TUBE1: variants seen among roughly 807,000 people sequenced by gnomAD.
TUBE1 encodes the protein tubulin epsilon chain.
In TUBE1, 34 loss-of-function variants were observed where a neutral mutation model predicts 53.5. The observed-to-expected ratio is 0.64, with a 90% CI of 0.48 to 0.85. The LOEUF (loss-of-function observed/expected upper bound fraction) is 0.85. TUBE1 is among the 40% of genes least tolerant of loss of function. The pLI is 0.00. For missense variants in TUBE1, 532 were observed against 570.5 expected (o/e 0.93, Z 0.69); for synonymous variants, 177 against 198.4 (o/e 0.89, Z 0.91).
intron 9 of TUBE1, among the ~76,000 whole-genome samples, chr6:112,074,088 G>A (rs1554315720): frequency 6.6e-6 from 1 of 152,138 alleles, no homozygotes; most frequent in African/African-American, 2.4e-5. Flanking sequence ...TACAGAGTTT[G>A]GCAGGACTTT....
At chr6:112,079,432 A>AAAAAG (rs1409752038) in intron 6 of TUBE1, 2 of 432,444 alleles carry the variant, frequency 4.6e-6, no homozygotes, top group South Asian at 9.0e-5. Context: ...AAAAAAAAAA[A>AAAAAG]AAAAGAAAAG....
chr6:112,071,293 G>T lies in TUBE1; in HGVS notation c.*119C>A. ...CGATTAAACAGAAATCACTCTTTTA[G>T]ACAAAAATATTTCCCGATAATATGA... On this transcript the variant is annotated 3_prime_UTR_variant, in exon 12 of 12. Transcript: ENST00000368662. 9.8e-7 allele frequency: 1 copy of T among 1,024,996 alleles called. No homozygotes were observed. Among genetic ancestry groups the T allele is most frequent in the South Asian group, 2.8e-5 (1 of 35,100 alleles). The allele number at this position is 1,024,996 out of a possible 1,614,324, so 63.5% of individuals were successfully genotyped here.
Position 112,071,595 on chromosome 6 carries a change from G to A in TUBE1, c.1270-25C>T, listed in dbSNP as rs113149693. On this transcript the variant is annotated intron_variant, in intron 11 of 11. Coordinates refer to ENST00000368662, the MANE Select transcript of TUBE1 (RefSeq NM_016262.5). ...CCTATAAATTAAAAAATTAGGTAAC[G>A]TTTACCATTTCAGGAACTTTAATAC... 3.9e-4 allele frequency: 604 copies of A among 1,554,544 alleles called. 2 individuals are homozygous for A. In the African/African-American group the frequency reaches 7.5e-3, roughly 19 times the overall value.
chr6:112,087,482 T>C lies in TUBE1; in HGVS notation c.-48A>G, dbSNP rs1387758398. On this transcript the variant is annotated 5_prime_UTR_variant, in exon 1 of 12. Transcript: ENST00000368662. ...GAGCTTGCTAGCCCGCGGCCGCTTCTGCATTCCCCCAGCAACGGCGCTCTG... is the reference window on the plus strand; with the variant it reads ...GAGCTTGCTAGCCCGCGGCCGCTTCCGCATTCCCCCAGCAACGGCGCTCTG... 2 of 1,545,524 alleles carry C rather than the reference T, an allele frequency of 1.3e-6. No individual in the cohort carries two copies. Among genetic ancestry groups the C allele is most frequent in the Non-Finnish European group, 1.7e-6 (2 of 1,144,420 alleles).
chr6:112,080,231 T>C (rs1777049343), intron 5 of TUBE1, among the ~76,000 whole-genome samples: 1 of 152,054 alleles, frequency 6.6e-6, no homozygotes, highest in African/African-American at 2.4e-5. Flanking sequence ...TCACATCATG[T>C]TATTAGATGA....
In TUBE1 at chr6:112,072,839, G is replaced by A. The variant is rs782500890; in HGVS notation, c.1013C>T (p.Pro338Leu). 4 of 1,613,626 alleles carry A rather than the reference G, an allele frequency of 2.5e-6. No homozygotes were observed. The highest frequency in any genetic ancestry group is 3.4e-6 in the Non-Finnish European group (4 of 1,179,732). ...ACAGGCGAGGTAAAGACTGTGTTTG[G>A]GGTCTGCCCGAAGCAGCTGGTGATC... ...SKDHQLLRADPKHSLYLACAL... is the reference protein window; with the variant it reads ...SKDHQLLRADLKHSLYLACAL... Residue 338 changes from proline to leucine, a missense_variant, in exon 10 of 12, where the codon CCC becomes CTC. Coordinates refer to ENST00000368662, the MANE Select transcript of TUBE1 (RefSeq NM_016262.5).
At chr6:112,081,031 A>G in intron 5 of TUBE1, 61 bp downstream of exon 5, 1 of 1,068,890 alleles carries the variant, frequency 9.4e-7, no homozygotes, top group Non-Finnish European at 1.4e-6. Flanking sequence ...GAATCTCACA[A>G]TGAAGAAAGA....
intron 4 of TUBE1, among the ~76,000 whole-genome samples, chr6:112,082,629 T>C (rs1777089112): frequency 6.6e-6 from 1 of 152,172 alleles, no homozygotes; most frequent in African/African-American, 2.4e-5. Context: ...CTTCCAGACC[T>C]CCCTTAGTTA....
In TUBE1 at chr6:112,074,635, C is replaced by A. The variant is rs587671104; in HGVS notation, c.953+75G>T. On this transcript the variant is annotated intron_variant, in intron 9 of 11. Coordinates refer to ENST00000368662, the MANE Select transcript of TUBE1 (RefSeq NM_016262.5). ...TACAATTAAATAACTAGAGTTATTG[C>A]AAACTTTTTTCTCTTAAAAATGTTT... The A allele has an allele frequency of 3.3e-6, 4 of 1,203,336 alleles. No individual in the cohort carries two copies. The African/African-American group carries it at 4.7e-5, about 14-fold the overall frequency. The allele number at this position is 1,203,336 out of a possible 1,614,324, so 74.5% of individuals were successfully genotyped here. A position where few individuals can be genotyped will look rare whatever the true frequency, so the allele number is the denominator to read the frequency against.
intron 6 of TUBE1, chr6:112,077,811 A>G (rs1776997119): frequency 6.6e-6 from 1 of 151,574 alleles, no homozygotes; most frequent in African/African-American, 2.4e-5. Flanking sequence ...ATATACTTAA[A>G]AAAACCCATA....
intron 4 of TUBE1, 139 bp from the exon 5 acceptor site, chr6:112,081,346 G>T: frequency 2.3e-6 from 1 of 427,514 alleles, no homozygotes; most frequent in African/African-American, 2.0e-5. Flanking sequence ...CGTAGAATCT[G>T]TTGTAAAAAT....
At chr6:112,076,586 T>G in intron 6 of TUBE1, 77 bp from the exon 7 acceptor site, 1 of 1,342,496 alleles carries the variant, frequency 7.4e-7, no homozygotes, top group Non-Finnish European at 1.0e-6. Context: ...ACTTTATTTT[T>G]TTTGAGACAG....
rs1408079092 is a variant in TUBE1, at chr6:112,076,503, C to T, written c.455G>A (p.Gly152Glu). 2 of 1,594,290 alleles carry T rather than the reference C, an allele frequency of 1.3e-6. No homozygotes were observed. The highest frequency in any genetic ancestry group is 1.7e-6 in the Non-Finnish European group (2 of 1,172,154). The part of the protein sequence containing the change: ...FIIHSMGGGT[G>E]SGLGTFLLKV... The stretch of plus-strand genomic sequence containing the variant: ...TAAAAGAAATGTGCCAAGTCCAGAT[C>T]CTGTTCCTGAGGATTAAAGTGTTTT... Residue 152 changes from glycine to glutamate, a missense_variant, in exon 7 of 12, where the codon GGA (glycine) becomes GAA (glutamate). Physicochemically the swap from Gly to Glu is moderately conservative, Grantham distance 98. Coordinates refer to ENST00000368662, the MANE Select transcript of TUBE1 (RefSeq NM_016262.5).
rs782484129 is a variant in TUBE1 at position 112,084,208 on chromosome 6, A to AT, written c.190dup (p.Ile64AsnfsTer12). 1.2e-6 allele frequency: 2 copies of AT among 1,613,030 alleles called. No individual in the cohort carries two copies. Among genetic ancestry groups the AT allele is most frequent in the Non-Finnish European group, 1.7e-6 (2 of 1,179,134 alleles). Reference sequence around the variant, plus strand: ...TCTTACTCGTGCTTTTAAAGAACATATTTTTCCCTTGGAAATACTTCCACC... The same window carrying AT: ...TCTTACTCGTGCTTTTAAAGAACATATTTTTTCCCTTGGAAATACTTCCACC... On this transcript the variant is annotated frameshift_variant, in exon 4 of 12. Coordinates refer to ENST00000368662, the MANE Select transcript of TUBE1 (RefSeq NM_016262.5). LOFTEE classifies it high-confidence loss of function.
chr6:112,082,809 G>C (rs1365144211), intron 4 of TUBE1, among the ~76,000 whole-genome samples: 2 of 152,094 alleles, frequency 1.3e-5, no homozygotes, highest in African/African-American at 4.8e-5. Context: ...ATAAAATTCT[G>C]AGTATTTATT....
chr6:112,071,251 G>C lies in TUBE1; in HGVS notation c.*161C>G. Reference sequence around the variant, plus strand: ...AAGATTTCACTAATTTCACACATTGGTATTACCAACAAATTGCGATTAAAC... The same window carrying C: ...AAGATTTCACTAATTTCACACATTGCTATTACCAACAAATTGCGATTAAAC... On this transcript the variant is annotated 3_prime_UTR_variant, in exon 12 of 12. Coordinates refer to ENST00000368662, the MANE Select transcript of TUBE1 (RefSeq NM_016262.5). 1 of 581,826 alleles carries C rather than the reference G, an allele frequency of 1.7e-6. No homozygotes were observed. Among genetic ancestry groups the C allele is most frequent in the Non-Finnish European group, 2.8e-6 (1 of 360,624 alleles). 36.0% of individuals were successfully genotyped at this position (581,826 alleles called of 1,614,324 possible). A position where few individuals can be genotyped will look rare whatever the true frequency, so the allele number is the denominator to read the frequency against.
intron 11 of TUBE1, 73 bp downstream of exon 11, chr6:112,071,829 A>G (rs1776871096): frequency 7.2e-7 from 1 of 1,385,562 alleles, no homozygotes; most frequent in Non-Finnish European, 9.8e-7. Flanking sequence ...GATTTGTAAT[A>G]GTGTAATTTT....
intron 7 of TUBE1, 52 bp downstream of exon 7, chr6:112,076,270 C>G: frequency 6.7e-7 from 1 of 1,492,876 alleles, no homozygotes; most frequent in Non-Finnish European, 9.0e-7. Flanking sequence ...ATACATAATA[C>G]AGGACTGAAT....
chr6:112,079,671 C>G lies in TUBE1; in HGVS notation c.410G>C (p.Cys137Ser). The G allele has an allele frequency of 6.2e-7, 1 of 1,612,550 alleles. No homozygotes were observed. Among genetic ancestry groups the G allele is most frequent in the Non-Finnish European group, 8.5e-7 (1 of 1,179,148 alleles). The change falls in exon 6 of 12, where the codon TGC becomes TCC. Residue 137 changes from cysteine (C) to serine (S), a missense_variant. Coordinates refer to ENST00000368662, the MANE Select transcript of TUBE1 (RefSeq NM_016262.5). ...ATGTATTATAAAGAAACACTGCAAG[C>G]AATCACAGTGCTCTGCCGACTTTCT... ...KFRKSAEHCD[C>S]LQCFFIIHSM...
Sources: gnomAD v4.1 joint callset for allele counts (sites outside exome capture counted in the v4.1 genomes callset) on GRCh38, gnomAD v4.1.1 for gene constraint, MANE v1.5 for transcripts, NCBI Gene and HGNC (gene_info 2026-07-23, HGNC 2026-07-21) for gene names.